Variants in PIK3CB observed in about 807,000 individuals in gnomAD.
PIK3CB encodes phosphatidylinositol-4,5-bisphosphate 3-kinase catalytic subunit beta.
In PIK3CB, 39 loss-of-function variants were observed where a neutral mutation model predicts 136.8. The observed-to-expected ratio is 0.29, with a 90% CI of 0.22 to 0.37. The LOEUF (loss-of-function observed/expected upper bound fraction) is 0.37, where lower values mean the gene tolerates loss of function less well. Among genes scored for constraint, PIK3CB ranks in the 10% least tolerant of loss-of-function variants. The pLI is 1.00. For missense variants in PIK3CB, 868 were observed against 1,275.4 expected (o/e 0.68, Z 4.87); for synonymous variants, 428 against 436.6 (o/e 0.98, Z 0.25).
At chr3:138,802,161 G>A (rs1283762219) in intron 1 of PIK3CB, among the ~76,000 whole-genome samples, 1 of 151,532 alleles carries the variant, frequency 6.6e-6, no homozygotes. Flanking sequence ...ATCACTCGAG[G>A]TCAGGAGTTC....
chr3:138,707,108 C>T (rs1172546791), intron 11 of PIK3CB, 51 bp downstream of exon 11: 1 of 1,072,508 alleles, frequency 9.3e-7, no homozygotes, highest in Non-Finnish European at 1.5e-6. Context: ...CATAGAGGAA[C>T]TGATCATTCA....
At chr3:138,680,160 C>A in intron 19 of PIK3CB, among the ~76,000 whole-genome samples, 1 of 151,908 alleles carries the variant, frequency 6.6e-6, no homozygotes, top group African/African-American at 2.4e-5. Context: ...GAGTTTGAGA[C>A]CAGCCTGACA....
In PIK3CB at chr3:138,655,515, T is replaced by C. The variant is rs760473317; in HGVS notation, c.3087A>G (p.Ala1029=). 1 of 1,610,680 alleles carries C rather than the reference T, an allele frequency of 6.2e-7. No individual in the cohort carries two copies. The highest frequency in any genetic ancestry group is 1.3e-5 in the African/African-American group (1 of 74,974). ...GTGCTTCTTCTTCACTCTTCCCTAA[T>C]GCAAGAGAGTCCTAAAATGGAAGGG... is the stretch of plus-strand genomic sequence containing the variant. ...KDIQYLKDSL[A]LGKSEEEALK... is the part of the protein sequence containing the mutation. Residue 1029 remains alanine, a synonymous_variant, in exon 24 of 24, where the codon GCA becomes GCG. Transcript: ENST00000674063.
chr3:138,822,328 G>C (rs1359727243), intron 1 of PIK3CB, among the ~76,000 whole-genome samples: 1 of 151,846 alleles, frequency 6.6e-6, no homozygotes, highest in African/African-American at 2.4e-5. Context: ...GGTCAGGAAG[G>C]GCAGATCAGG....
At chr3:138,734,543 A>T in intron 7 of PIK3CB, 91 bp downstream of exon 7, 1 of 875,048 alleles carries the variant, frequency 1.1e-6, no homozygotes, top group Non-Finnish European at 1.7e-6. Context: ...ACAGAAGGAG[A>T]AGTGAGCAAA....
intron 19 of PIK3CB, 92 bp from the exon 20 acceptor site, chr3:138,665,295 T>A: frequency 1.1e-6 from 1 of 945,222 alleles, no homozygotes; most frequent in Non-Finnish European, 1.5e-6. Context: ...AAAAAAAGTT[T>A]TATTATTATT....
chr3:138,822,687 C>G (rs1254712986), intron 1 of PIK3CB, among the ~76,000 whole-genome samples: 2 of 150,596 alleles, frequency 1.3e-5, no homozygotes, highest in African/African-American at 4.9e-5. Context: ...ACTACAAATA[C>G]AAAAATCAGC....
At chr3:138,679,936 T>TAAAAAAAAAAAAAAAAAAAAAA (rs61222749) in intron 19 of PIK3CB, among the ~76,000 whole-genome samples, 1 of 110,850 alleles carries the variant, frequency 9.0e-6, no homozygotes, top group Non-Finnish European at 1.9e-5. Context: ...AACACAAAAG[T>TAAAAAAAAAAAAAAAAAAAAAA]AAAAAAAAAA....
chr3:138,783,589 A>AT (rs1193061068), intron 2 of PIK3CB, among the ~76,000 whole-genome samples: 5 of 152,140 alleles, frequency 3.3e-5, no homozygotes, highest in African/African-American at 1.2e-4. Context: ...CATGAGGGTG[A>AT]TATTTTAACA....
At chr3:138,705,354 T>C (rs1374649982) in intron 11 of PIK3CB, among the ~76,000 whole-genome samples, 1 of 152,022 alleles carries the variant, frequency 6.6e-6, no homozygotes, top group Admixed American at 6.6e-5. Flanking sequence ...CGAGTAGCTA[T>C]GGCTTATGGA....
chr3:138,792,110 G>A (rs1251150206), intron 2 of PIK3CB, among the ~76,000 whole-genome samples: 3 of 152,006 alleles, frequency 2.0e-5, no homozygotes, highest in Non-Finnish European at 4.4e-5. Context: ...CAGGAGAATC[G>A]CTTGAACCAG....
At chr3:138,783,425 G>A (rs866014916) in intron 2 of PIK3CB, among the ~76,000 whole-genome samples, 1 of 152,030 alleles carries the variant, frequency 6.6e-6, no homozygotes. Flanking sequence ...GGGATTACAG[G>A]TGCATGGCAC....
intron 1 of PIK3CB, among the ~76,000 whole-genome samples, chr3:138,798,868 C>T (rs148449648): frequency 6.6e-6 from 1 of 152,092 alleles, no homozygotes; most frequent in East Asian, 1.9e-4. Context: ...TTCCATGTTG[C>T]TTCTCTCGGG....
intron 1 of PIK3CB, among the ~76,000 whole-genome samples, chr3:138,830,665 C>A (rs1933986996): frequency 6.6e-6 from 1 of 151,720 alleles, no homozygotes; most frequent in Non-Finnish European, 1.5e-5. Context: ...TTTGGGAGGC[C>A]GAGATGGGCG....
Position 138,681,000 on chromosome 3 carries a change from T to C in PIK3CB, c.2504+967A>G, listed in dbSNP as rs1176246412. On this transcript the variant is annotated intron_variant, in intron 19 of 23. Coordinates refer to ENST00000674063, the MANE Select transcript of PIK3CB (RefSeq NM_006219.3). ...ACCATGCACGGCCCAATTGTTCTTA[T>C]AATCTGTACTTCTTAATTGGAACTG... Among the ~76,000 whole-genome samples, 3 of 151,780 alleles carry C rather than the reference T, an allele frequency of 2.0e-5. No homozygotes were observed. The East Asian group carries it at 5.8e-4, about 29-fold the overall frequency.
intron 2 of PIK3CB, among the ~76,000 whole-genome samples, chr3:138,780,398 G>A (rs1416667898): frequency 6.6e-6 from 1 of 152,086 alleles, no homozygotes; most frequent in Non-Finnish European, 1.5e-5. Flanking sequence ...AGCCTCCCAA[G>A]TAGCTGGGAT....
chr3:138,809,991 T>A (rs1391279834), intron 1 of PIK3CB, among the ~76,000 whole-genome samples: 2 of 152,004 alleles, frequency 1.3e-5, no homozygotes, highest in Non-Finnish European at 2.9e-5. Context: ...TGTAGTAATG[T>A]AACTAAAAAA....
At chr3:138,779,168 C>T (rs1288601646) in intron 2 of PIK3CB, among the ~76,000 whole-genome samples, 2 of 151,178 alleles carry the variant, frequency 1.3e-5, no homozygotes, top group African/African-American at 2.4e-5. Flanking sequence ...ATACTGCAAG[C>T]TCTGCCTCCT....
intron 19 of PIK3CB, among the ~76,000 whole-genome samples, chr3:138,667,207 CAAAAAAAAAAA>C (rs149370978): frequency 6.9e-5 from 5 of 72,678 alleles, no homozygotes; most frequent in East Asian, 1.5e-3. Context: ...GACTCTGTCT[CAAAAAAAAAAA>C]AAAAAAAAAA....
Sources: gnomAD v4.1 joint callset for allele counts (sites outside exome capture counted in the v4.1 genomes callset) on GRCh38, gnomAD v4.1.1 for gene constraint, MANE v1.5 for transcripts, NCBI Gene and HGNC (gene_info 2026-07-23, HGNC 2026-07-21) for gene names.